The following TRIM69 variants were observed in gnomAD, a reference collection of about 807,000 sequenced individuals.
The protein encoded by TRIM69 is tripartite motif containing 69.
Under a neutral mutation model 37.7 loss-of-function variants are expected in TRIM69, and 29 were observed. The observed-to-expected ratio is 0.77, with a 90% confidence interval of 0.57 to 1.05. The LOEUF (loss-of-function observed/expected upper bound fraction) is 1.05. TRIM69 is among the 50% of genes least tolerant of loss of function. The probability of loss-of-function intolerance (pLI) is 0.00; values close to 1 mark genes in which losing one functional copy is unlikely to be tolerated. For missense variants in TRIM69, 596 were observed against 579.9 expected (o/e 1.03, Z -0.28); for synonymous variants, 209 against 212.4 (o/e 0.98, Z 0.14).
chr15:44,742,817 A>G (rs2087320780), intron 1 of TRIM69, among the ~76,000 whole-genome samples: 1 of 151,278 alleles, frequency 6.6e-6, no homozygotes, highest in Admixed American at 6.6e-5. Flanking sequence ...ATAAAAGAGG[A>G]CACAAACAAA....
chr15:44,763,230 A>G (rs2087814884), intron 6 of TRIM69, among the ~76,000 whole-genome samples: 1 of 151,976 alleles, frequency 6.6e-6, no homozygotes, highest in Non-Finnish European at 1.5e-5. Flanking sequence ...ATTTTTTATG[A>G]CTTAGATAGT....
chr15:44,767,690 A>G lies in TRIM69; in HGVS notation c.1421A>G (p.Glu474Gly). ...HIYTFSNTFM[E>G]KLYPYFCPCL... is the part of the protein sequence containing the mutation. ...TACACCTTCAGTAACACTTTCATGG[A>G]GAAACTTTATCCCTACTTCTGCCCC... is the stretch of plus-strand genomic sequence containing the variant. The change falls in exon 7 of 7, where the codon GAG becomes GGG. Residue 474 changes from glutamate to glycine, a missense_variant. Physicochemically the swap from Glu to Gly is moderately conservative, Grantham distance 98 (BLOSUM62 -2). Coordinates refer to ENST00000329464, the MANE Select transcript of TRIM69 (RefSeq NM_182985.5). 3 of 1,614,166 alleles carry G rather than the reference A, an allele frequency of 1.9e-6. No homozygotes were observed. Among genetic ancestry groups the G allele is most frequent in the Non-Finnish European group, 2.5e-6 (3 of 1,180,028 alleles).
intron 1 of TRIM69, among the ~76,000 whole-genome samples, chr15:44,743,027 A>G (rs2141311210): frequency 6.6e-6 from 1 of 152,166 alleles, no homozygotes; most frequent in South Asian, 2.1e-4. Flanking sequence ...AGCCAAAAGA[A>G]CAAAGCTAGA....
intron 1 of TRIM69, among the ~76,000 whole-genome samples, chr15:44,747,315 A>G (rs2087429201): frequency 6.6e-6 from 1 of 152,286 alleles, no homozygotes; most frequent in East Asian, 1.9e-4. Context: ...TGGGGAAAAA[A>G]GAACCCATGC....
At chr15:44,744,312 G>C (rs1415422117) in intron 1 of TRIM69, among the ~76,000 whole-genome samples, 1 of 112,866 alleles carries the variant, frequency 8.9e-6, no homozygotes, top group Non-Finnish European at 1.8e-5. Flanking sequence ...GTTGTGGGGT[G>C]GGGGGAGGGG....
Position 44,767,429 on chromosome 15 carries a change from A to C in TRIM69, c.1160A>C (p.Lys387Thr), listed in dbSNP as rs2087921487. 6.2e-7 allele frequency: 1 copy of C among 1,614,198 alleles called. No homozygotes were observed. The highest frequency in any genetic ancestry group is 8.5e-7 in the Non-Finnish European group (1 of 1,180,036). Residue 387 changes from lysine to threonine, a missense_variant, in exon 7 of 7, where the codon AAG becomes ACG. Physicochemically the swap from Lys to Thr is moderately conservative, Grantham distance 78. Transcript: ENST00000329464. ...TACTGGGAAGTAGAAGTAGCAAAGA[A>C]GACAAAATGGACAGTTGGAGTTGTC... Reference protein sequence around the residue: ...KWYWEVEVAKKTKWTVGVVRE... With the variant: ...KWYWEVEVAKTTKWTVGVVRE...
chr15:44,741,217 C>A (rs1298333435), intron 1 of TRIM69, among the ~76,000 whole-genome samples: 1 of 152,342 alleles, frequency 6.6e-6, no homozygotes, highest in African/African-American at 2.4e-5. Flanking sequence ...TGAATGACTA[C>A]TGGGTACCTA....
Position 44,755,267 on chromosome 15 carries a change from T to C in TRIM69, c.374T>C (p.Phe125Ser). The C allele has an allele frequency of 5.0e-6, 8 of 1,614,154 alleles. No homozygotes were observed. Among genetic ancestry groups the C allele is most frequent in the Non-Finnish European group, 6.8e-6 (8 of 1,180,036 alleles). Residue 125 changes from phenylalanine (F) to serine (S), a missense_variant, in exon 2 of 7, where the codon TTC becomes TCC. By Grantham distance (155) the Phe-to-Ser change is radical. Transcript: ENST00000329464. ...GAGCATGGAGAGAACCTGAAACTGT[T>C]CAGTAAACCAGATGGGAAACTGATC... is the stretch of plus-strand genomic sequence containing the variant. ...CPEHGENLKL[F>S]SKPDGKLICF...
intron 1 of TRIM69, among the ~76,000 whole-genome samples, chr15:44,739,624 T>C (rs536111284): frequency 1.3e-5 from 2 of 152,292 alleles, no homozygotes; most frequent in Non-Finnish European, 2.9e-5. Flanking sequence ...GTCTCGCTGA[T>C]TGCTAGCACA....
intron 6 of TRIM69, among the ~76,000 whole-genome samples, chr15:44,765,371 C>T (rs1596038800): frequency 6.6e-6 from 1 of 152,270 alleles, no homozygotes; most frequent in East Asian, 1.9e-4. Flanking sequence ...ACCCAGTCCT[C>T]ACATCAGAAA....
In TRIM69 at chr15:44,760,731, A is replaced by G. The variant is rs1164071605; in HGVS notation, c.961+859A>G. Among the ~76,000 whole-genome samples the G allele has an allele frequency of 3.9e-5, 6 of 152,278 alleles. No individual in the cohort carries two copies. In the East Asian group the frequency reaches 9.6e-4, roughly 24 times the overall value. On this transcript the variant is annotated intron_variant, in intron 6 of 6. Coordinates refer to ENST00000329464, the MANE Select transcript of TRIM69 (RefSeq NM_182985.5). ...GTAAACCTCTCCATAATCAAAATAT[A>G]GAAGATTTTTATCACTCCAAAAAGT...
At chr15:44,745,092 A>G (rs956384333) in intron 1 of TRIM69, among the ~76,000 whole-genome samples, 1 of 151,986 alleles carries the variant, frequency 6.6e-6, no homozygotes, top group Non-Finnish European at 1.5e-5. Context: ...AAAACCTGAG[A>G]AAGACCCCAA....
intron 4 of TRIM69, 120 bp downstream of exon 4, chr15:44,758,974 CTGTT>C (rs2087714730): frequency 1.0e-5 from 13 of 1,253,622 alleles, no homozygotes; most frequent in Non-Finnish European, 1.3e-5. Flanking sequence ...CAAAACAAAA[CTGTT>C]ATAGTGCTTT....
At chr15:44,745,315 A>G (rs1027209762) in intron 1 of TRIM69, among the ~76,000 whole-genome samples, 12 of 152,140 alleles carry the variant, frequency 7.9e-5, no homozygotes, top group Non-Finnish European at 1.8e-4. Flanking sequence ...AGTTCATGGG[A>G]CAGAATTCAG....
At chr15:44,749,912 C>T (rs964805769) in intron 1 of TRIM69, among the ~76,000 whole-genome samples, 19 of 152,160 alleles carry the variant, frequency 1.2e-4, no homozygotes, top group African/African-American at 2.4e-4. Flanking sequence ...TAAAAAATTA[C>T]GGCAATACAA....
intron 6 of TRIM69, among the ~76,000 whole-genome samples, chr15:44,766,990 C>A (rs779593390): frequency 8.0e-6 from 1 of 124,350 alleles, no homozygotes. Flanking sequence ...ACCCAGGAAG[C>A]GGAGGTTGCA....
At chr15:44,762,189 A>G (rs57520452) in intron 6 of TRIM69, among the ~76,000 whole-genome samples, 1,833 of 152,256 alleles carry the variant, frequency 0.012, 42 homozygotes, top group African/African-American at 0.043. Flanking sequence ...GATGGTCTCG[A>G]TCACCTGACC....
chr15:44,738,417 T>G (rs1020040634), intron 1 of TRIM69, among the ~76,000 whole-genome samples: 1 of 152,126 alleles, frequency 6.6e-6, no homozygotes, highest in African/African-American at 2.4e-5. Flanking sequence ...CAGGGCTTTA[T>G]AAGGATGAAT....
intron 1 of TRIM69, among the ~76,000 whole-genome samples, chr15:44,747,082 G>A (rs62025036): frequency 0.041 from 6,231 of 152,260 alleles, 182 homozygotes; most frequent in Non-Finnish European, 0.061. Flanking sequence ...TCCAAAGAAA[G>A]TACCCCATCC....
Sources: gnomAD v4.1 joint callset for allele counts (sites outside exome capture counted in the v4.1 genomes callset) on GRCh38, gnomAD v4.1.1 for gene constraint, MANE v1.5 for transcripts, NCBI Gene and HGNC (gene_info 2026-07-23, HGNC 2026-07-21) for gene names.